The following CACNA2D1 variants were observed in gnomAD, a reference collection of about 807,000 sequenced individuals.
CACNA2D1 encodes the protein voltage-dependent calcium channel subunit alpha-2/delta-1.
CACNA2D1 carries 53 observed loss-of-function variants against 171.5 expected under a neutral mutation model. The ratio of observed to expected loss-of-function variants is 0.31; its 90% CI spans 0.25 to 0.39. CACNA2D1 has a LOEUF of 0.39. CACNA2D1 is among the 10% of genes least tolerant of loss of function. The pLI is 1.00. For synonymous variants in CACNA2D1, 442 were observed against 443.1 expected (o/e 1.00, Z 0.03); for missense variants, 903 against 1,299.8 (o/e 0.69, Z 4.69).
chr7:82,197,314 T>G (rs1388598204), intron 3 of CACNA2D1, among the ~76,000 whole-genome samples: 1 of 152,038 alleles, frequency 6.6e-6, no homozygotes, highest in East Asian at 1.9e-4. Context: ...TATCAGCGGT[T>G]CTCTGAATAA....
intron 2 of CACNA2D1, among the ~76,000 whole-genome samples, chr7:82,338,157 A>T (rs917507507): frequency 1.3e-5 from 2 of 152,264 alleles, no homozygotes; most frequent in South Asian, 2.1e-4. Flanking sequence ...TATACATTTT[A>T]AAATAACTTC....
intron 1 of CACNA2D1, among the ~76,000 whole-genome samples, chr7:82,390,797 C>A (rs553398693): frequency 6.6e-6 from 1 of 152,122 alleles, no homozygotes; most frequent in African/African-American, 2.4e-5. Flanking sequence ...ACATGAATTA[C>A]TGAAGAGACT....
chr7:82,184,922 C>T (rs527271449), intron 3 of CACNA2D1, among the ~76,000 whole-genome samples: 394 of 152,264 alleles, frequency 2.6e-3, no homozygotes, highest in Middle Eastern at 6.8e-3. Context: ...TTAGTACATA[C>T]TCCCATTAGT....
At chr7:82,376,556 A>T (rs1344916280) in intron 1 of CACNA2D1, among the ~76,000 whole-genome samples, 1 of 152,124 alleles carries the variant, frequency 6.6e-6, no homozygotes, top group East Asian at 1.9e-4. Context: ...CAATGATTAA[A>T]CTCTTCTCAT....
At chr7:82,162,213 G>A in intron 4 of CACNA2D1, among the ~76,000 whole-genome samples, 1 of 152,000 alleles carries the variant, frequency 6.6e-6, no homozygotes, top group East Asian at 1.9e-4. Flanking sequence ...TGTGAAAAAT[G>A]CAGAGGTCCA....
intron 3 of CACNA2D1, among the ~76,000 whole-genome samples, chr7:82,299,525 G>T (rs1812739943): frequency 6.6e-6 from 1 of 151,980 alleles, no homozygotes; most frequent in African/African-American, 2.4e-5. Context: ...GCCAGGCGTG[G>T]TGGTAGGCAC....
Position 81,961,981 on chromosome 7 carries a change from T to C in CACNA2D1, c.2879A>G (p.Gln960Arg). 6.2e-7 allele frequency: 1 copy of C among 1,612,610 alleles called. No individual in the cohort carries two copies. Among genetic ancestry groups the C allele is most frequent in the South Asian group, 1.1e-5 (1 of 91,060 alleles). The change falls in exon 36 of 39, where the codon CAG becomes CGG. Residue 960 changes from glutamine (Q) to arginine (R), a missense_variant. By Grantham distance (43) the Gln-to-Arg change is conservative. Around this residue, in one of 5 missense-constraint regions of CACNA2D1, gnomAD observed 623 missense variants for 925.5 expected, o/e 0.67. Coordinates refer to ENST00000356860, the MANE Select transcript of CACNA2D1 (RefSeq NM_000722.4). ...CTGGGTTTGTTCAGTAATGCAGCTC[T>C]GCTTGGACAGGGAGGCCGTGAAGTC... ...DDDFTASLSK[Q>R]SCITEQTQYF...
chr7:82,035,213 T>C (rs1363255493), intron 11 of CACNA2D1, among the ~76,000 whole-genome samples: 1 of 152,074 alleles, frequency 6.6e-6, no homozygotes, highest in African/African-American at 2.4e-5. Flanking sequence ...AAAATGCATA[T>C]ATATGGTAAT....
chr7:81,964,514 A>G lies in CACNA2D1; in HGVS notation c.2575-155T>C, dbSNP rs1353151347. ...AAAGCAAATGAGAAACGTGTATATG[A>G]CACTGTGAACAAACTAAAATGAGAG... On this transcript the variant is annotated intron_variant, in intron 32 of 38. Transcript: ENST00000356860. Among the ~76,000 whole-genome samples the G allele has an allele frequency of 3.9e-5, 6 of 151,990 alleles. No homozygotes were observed. The East Asian group carries it at 1.2e-3, about 29-fold the overall frequency.
intron 3 of CACNA2D1, among the ~76,000 whole-genome samples, chr7:82,305,004 A>G (rs752108649): frequency 6.6e-6 from 1 of 152,160 alleles, no homozygotes; most frequent in African/African-American, 2.4e-5. Flanking sequence ...ATATTATGTA[A>G]TGACTCAAAA....
intron 3 of CACNA2D1, among the ~76,000 whole-genome samples, chr7:82,301,762 CACA>C (rs1179885921): frequency 6.7e-6 from 1 of 149,072 alleles, no homozygotes; most frequent in Non-Finnish European, 1.5e-5. Context: ...CACACACACA[CACA>C]CACACACATA....
chr7:82,368,876 G>T (rs1822039908), intron 1 of CACNA2D1, among the ~76,000 whole-genome samples: 1 of 151,988 alleles, frequency 6.6e-6, no homozygotes. Flanking sequence ...AATGACTCTT[G>T]TATCATTCTC....
At chr7:82,224,830 A>T (rs982040687) in intron 3 of CACNA2D1, among the ~76,000 whole-genome samples, 4 of 152,116 alleles carry the variant, frequency 2.6e-5, no homozygotes, top group African/African-American at 7.2e-5. Flanking sequence ...TTTTATTTGG[A>T]TGTGAAATTC....
At chr7:82,224,642 G>T (rs903354693) in intron 3 of CACNA2D1, among the ~76,000 whole-genome samples, 6 of 152,086 alleles carry the variant, frequency 3.9e-5, no homozygotes, top group African/African-American at 1.4e-4. Flanking sequence ...AGACTTGATA[G>T]CTCATAATGG....
At chr7:82,070,861 T>A (rs4728495) in intron 7 of CACNA2D1, among the ~76,000 whole-genome samples, 126,607 of 152,120 alleles carry the variant, frequency 0.83, 53,133 homozygotes, top group African/African-American at 0.93. Flanking sequence ...AGTACCTATT[T>A]GAACATCAAA....
intron 12 of CACNA2D1, among the ~76,000 whole-genome samples, chr7:82,018,113 G>A (rs2130991445): frequency 6.6e-6 from 1 of 152,188 alleles, no homozygotes; most frequent in East Asian, 1.9e-4. Flanking sequence ...TTTCATCATA[G>A]AGTCACACAA....
At chr7:81,981,943 C>T (rs964654021) in intron 24 of CACNA2D1, among the ~76,000 whole-genome samples, 1 of 152,002 alleles carries the variant, frequency 6.6e-6, no homozygotes, top group African/African-American at 2.4e-5. Context: ...TCTACCCCTA[C>T]GTGTATAGAT....
At chr7:82,150,011 C>T (rs1793640374) in intron 4 of CACNA2D1, among the ~76,000 whole-genome samples, 1 of 151,584 alleles carries the variant, frequency 6.6e-6, no homozygotes, top group Non-Finnish European at 1.5e-5. Context: ...TGTGCATGCA[C>T]TGAGGAGATG....
intron 3 of CACNA2D1, among the ~76,000 whole-genome samples, chr7:82,277,745 C>CTTTTTTTTTTTT (rs1186719410): frequency 7.0e-6 from 1 of 142,094 alleles, no homozygotes. Flanking sequence ...TAATTTTTTA[C>CTTTTTTTTTTTT]TTTTATTTTT....
Sources: gnomAD v4.1 joint callset for allele counts (sites outside exome capture counted in the v4.1 genomes callset) on GRCh38, gnomAD v4.1.1 for gene constraint, gnomAD v4.1.1 regional missense constraint, MANE v1.5 for transcripts, NCBI Gene and HGNC (gene_info 2026-07-23, HGNC 2026-07-21) for gene names.